RAB38: variants seen among roughly 807,000 people sequenced by gnomAD.
The protein encoded by RAB38 is RAB38, member RAS oncogene family, also known as ras-related protein Rab-38.
In RAB38, 15 loss-of-function variants were observed where a neutral mutation model predicts 18.4. The observed-to-expected ratio is 0.82, with a 90% CI of 0.55 to 1.26. The LOEUF is 1.26. Among genes scored for constraint, RAB38 ranks in the 50% most tolerant of loss-of-function variants. The pLI is 0.00. For synonymous variants in RAB38, 101 were observed against 104.4 expected (o/e 0.97, Z 0.20); for missense variants, 294 against 267.4 (o/e 1.10, Z -0.69).
intron 2 of RAB38, among the ~76,000 whole-genome samples, chr11:88,143,903 A>T (rs1178205090): frequency 6.6e-6 from 1 of 152,170 alleles, no homozygotes; most frequent in African/African-American, 2.4e-5. Flanking sequence ...TGACGTAGGG[A>T]ACCTCTAGAG....
the RAB38 span, among the ~76,000 whole-genome samples, chr11:88,075,033 C>T: frequency 6.6e-6 from 1 of 152,026 alleles, no homozygotes; most frequent in South Asian, 2.1e-4. Flanking sequence ...TGTACTAAAC[C>T]CTGGAGCACC....
the RAB38 span, among the ~76,000 whole-genome samples, chr11:87,911,057 G>T: frequency 6.6e-6 from 1 of 152,028 alleles, no homozygotes; most frequent in African/African-American, 2.4e-5. Flanking sequence ...GCTTGCACTT[G>T]TGTCTTTGTC....
At chr11:88,159,112 A>G (rs1311997368) in intron 1 of RAB38, among the ~76,000 whole-genome samples, 3 of 151,908 alleles carry the variant, frequency 2.0e-5, no homozygotes, top group Non-Finnish European at 4.4e-5. Flanking sequence ...GCAAAAATCA[A>G]TGTATAAAAA....
At chr11:87,808,215 C>T in the RAB38 span, among the ~76,000 whole-genome samples, 1 of 152,176 alleles carries the variant, frequency 6.6e-6, no homozygotes, top group East Asian at 1.9e-4. Context: ...GGTATATATC[C>T]AAAGGAAATG....
chr11:87,830,752 TATAGATAAGGA>T, the RAB38 span, among the ~76,000 whole-genome samples: 1 of 152,130 alleles, frequency 6.6e-6, no homozygotes, highest in Non-Finnish European at 1.5e-5. Flanking sequence ...CCCATCATTT[TATAGATAAGGA>T]AATTAAATTT....
the RAB38 span, among the ~76,000 whole-genome samples, chr11:87,806,016 C>T: frequency 1.3e-5 from 2 of 152,146 alleles, no homozygotes; most frequent in South Asian, 2.1e-4. Flanking sequence ...CTCACAGTAA[C>T]ATCTAGACTG....
At chr11:87,930,107 A>C in the RAB38 span, among the ~76,000 whole-genome samples, 2 of 152,054 alleles carry the variant, frequency 1.3e-5, no homozygotes, top group Non-Finnish European at 2.9e-5. Flanking sequence ...GTCAAATGGT[A>C]TTTCTAGTTC....
chr11:87,860,487 T>A, the RAB38 span, among the ~76,000 whole-genome samples: 1 of 151,968 alleles, frequency 6.6e-6, no homozygotes, highest in Non-Finnish European at 1.5e-5. Flanking sequence ...GAGTGGACAA[T>A]TGAAAGGATA....
chr11:87,946,460 T>A, the RAB38 span, among the ~76,000 whole-genome samples: 4 of 152,184 alleles, frequency 2.6e-5, no homozygotes, highest in Non-Finnish European at 4.4e-5. Context: ...TACATATATA[T>A]ACATGTGCCA....
chr11:87,907,923 C>T, the RAB38 span, among the ~76,000 whole-genome samples: 1 of 151,710 alleles, frequency 6.6e-6, no homozygotes, highest in East Asian at 1.9e-4. Flanking sequence ...TATAAGCACA[C>T]ATACATTTTA....
chr11:87,900,633 C>T, the RAB38 span, among the ~76,000 whole-genome samples: 2 of 149,302 alleles, frequency 1.3e-5, no homozygotes, highest in Non-Finnish European at 3.0e-5. Flanking sequence ...TCCTTATGTC[C>T]TCAGACCCTC....
chr11:87,929,102 G>A, the RAB38 span, among the ~76,000 whole-genome samples: 2 of 151,930 alleles, frequency 1.3e-5, no homozygotes, highest in African/African-American at 2.4e-5. Flanking sequence ...GCAACAAAGC[G>A]AGACTCTGTC....
the RAB38 span, among the ~76,000 whole-genome samples, chr11:87,820,048 A>G: frequency 6.6e-6 from 1 of 152,146 alleles, no homozygotes; most frequent in African/African-American, 2.4e-5. Flanking sequence ...ATTAAAAATA[A>G]GTTTACATTA....
the RAB38 span, among the ~76,000 whole-genome samples, chr11:87,877,421 T>G: frequency 6.6e-6 from 1 of 151,336 alleles, no homozygotes; most frequent in Non-Finnish European, 1.5e-5. Context: ...TATTAGTTGA[T>G]GCCAAGTAAC....
chr11:87,976,362 A>C, the RAB38 span, among the ~76,000 whole-genome samples: 28 of 142,338 alleles, frequency 2.0e-4, no homozygotes, highest in South Asian at 6.0e-3. Context: ...ATAAATATAA[A>C]AAATATATAC....
chr11:88,056,823 A>C, the RAB38 span, among the ~76,000 whole-genome samples: 1 of 108,404 alleles, frequency 9.2e-6, no homozygotes, highest in Admixed American at 9.6e-5. Flanking sequence ...ATAAATAAAT[A>C]AATAAATAAA....
chr11:87,883,154 G>A, the RAB38 span, among the ~76,000 whole-genome samples: 4 of 151,878 alleles, frequency 2.6e-5, no homozygotes, highest in Non-Finnish European at 5.9e-5. Context: ...GCCACGCAGA[G>A]CAAATTTGAT....
At chr11:88,084,756 T>A in the RAB38 span, among the ~76,000 whole-genome samples, 1 of 151,894 alleles carries the variant, frequency 6.6e-6, no homozygotes, top group Admixed American at 6.6e-5. Context: ...ATTTTGGGTT[T>A]GTCTTTCCAG....
the RAB38 span, among the ~76,000 whole-genome samples, chr11:87,819,371 C>T: frequency 6.6e-6 from 1 of 152,108 alleles, no homozygotes; most frequent in African/African-American, 2.4e-5. Flanking sequence ...TGATTCATAT[C>T]TGCAGATAGT....
Sources: gnomAD v4.1 joint callset for allele counts (sites outside exome capture counted in the v4.1 genomes callset) on GRCh38, gnomAD v4.1.1 for gene constraint, MANE v1.5 for transcripts, NCBI Gene and HGNC (gene_info 2026-07-23, HGNC 2026-07-21) for gene names.